SLC19A3: variants seen among roughly 807,000 people sequenced by gnomAD.
SLC19A3 encodes the protein solute carrier family 19 member 3.
In SLC19A3, 31 loss-of-function variants were observed where a neutral mutation model predicts 40.2. That is an observed-to-expected ratio of 0.77 (90% confidence interval 0.58 to 1.04). The LOEUF (loss-of-function observed/expected upper bound fraction) is 1.04, where lower values mean the gene tolerates loss of function less well. Ranked by LOEUF, SLC19A3 falls within the 50% of genes least tolerant of loss-of-function variation. SLC19A3 has a pLI of 0.00. For missense variants in SLC19A3, 592 were observed against 596.7 expected (o/e 0.99, Z 0.08); for synonymous variants, 212 against 227.5 (o/e 0.93, Z 0.61).
Position 227,717,947 on chromosome 2 carries a change from A to C in SLC19A3, c.-7T>G, listed in dbSNP as rs1696388483. On this transcript the variant is annotated 5_prime_UTR_variant, in exon 1 of 6. Transcript: ENST00000644224. ...CGCCCCCCGAGATATTCTTACCTAC[A>C]GAAGGGAGTGTCTGTTCACCAAATC... The C allele has an allele frequency of 1.0e-6, 1 of 985,226 alleles. No individual in the cohort carries two copies. Among genetic ancestry groups the C allele is most frequent in the African/African-American group, 1.7e-5 (1 of 57,204 alleles). 61.0% of individuals were successfully genotyped at this position (985,226 alleles called of 1,614,324 possible). A position where few individuals can be genotyped will look rare whatever the true frequency, so the allele number is the denominator to read the frequency against.
At chr2:227,708,628 G>A (rs964527336) in intron 1 of SLC19A3, among the ~76,000 whole-genome samples, 1 of 152,132 alleles carries the variant, frequency 6.6e-6, no homozygotes, top group Non-Finnish European at 1.5e-5. Flanking sequence ...CCAACTGGCT[G>A]CAGGCTAACC....
intron 4 of SLC19A3, among the ~76,000 whole-genome samples, chr2:227,695,029 C>T (rs1695372532): frequency 6.6e-6 from 1 of 152,020 alleles, no homozygotes; most frequent in South Asian, 2.1e-4. Flanking sequence ...CACTGCACTC[C>T]TGCCTGGGTG....
chr2:227,697,904 C>T (rs998709508), intron 3 of SLC19A3, among the ~76,000 whole-genome samples: 9 of 151,678 alleles, frequency 5.9e-5, no homozygotes, highest in African/African-American at 2.2e-4. Context: ...GGTGAAACCC[C>T]GTCTCTACTA....
chr2:227,709,294 C>A (rs928430597), intron 1 of SLC19A3, among the ~76,000 whole-genome samples: 4 of 152,028 alleles, frequency 2.6e-5, no homozygotes, highest in Non-Finnish European at 4.4e-5. Context: ...TCAGCCTGGC[C>A]AACATTGGTG....
intron 1 of SLC19A3, among the ~76,000 whole-genome samples, chr2:227,704,804 C>G (rs1574569904): frequency 6.6e-6 from 1 of 152,090 alleles, no homozygotes. Context: ...AAATAAAAAT[C>G]CAATTTCAGT....
chr2:227,687,441 G>A lies in SLC19A3; in HGVS notation c.1447C>T (p.His483Tyr). Residue 483 changes from histidine (H) to tyrosine (Y), a missense_variant, in exon 6 of 6, where the codon CAC becomes TAC. Coordinates refer to ENST00000644224, the MANE Select transcript of SLC19A3 (RefSeq NM_025243.4). The part of the protein sequence containing the change: ...PAPSENPDVS[H>Y]PEEESNIIMS... ...ATGATATTACTCTCTTCCTCTGGGT[G>A]AGACACATCTGGATTCTCACTTGGA... 1 of 1,614,030 alleles carries A rather than the reference G, an allele frequency of 6.2e-7. No homozygotes were observed. The highest frequency in any genetic ancestry group is 8.5e-7 in the Non-Finnish European group (1 of 1,179,912).
chr2:227,706,314 C>A, intron 1 of SLC19A3: 2 of 1,231,610 alleles, frequency 1.6e-6, no homozygotes, highest in Non-Finnish European at 2.0e-6. Flanking sequence ...TGAGTTCATA[C>A]CTGTGAAAGC....
intron 4 of SLC19A3, among the ~76,000 whole-genome samples, chr2:227,688,635 C>T (rs984193889): frequency 6.6e-6 from 1 of 152,110 alleles, no homozygotes; most frequent in African/African-American, 2.4e-5. Context: ...TTCTGAATAC[C>T]TGGAAAGCCT....
intron 4 of SLC19A3, among the ~76,000 whole-genome samples, chr2:227,689,521 C>T (rs1271740519): frequency 6.6e-6 from 1 of 152,044 alleles, no homozygotes; most frequent in Non-Finnish European, 1.5e-5. Flanking sequence ...AAATATCAAA[C>T]CCGAAGGAGA....
intron 1 of SLC19A3, among the ~76,000 whole-genome samples, chr2:227,708,629 C>G (rs917345800): frequency 1.3e-5 from 2 of 152,128 alleles, no homozygotes; most frequent in Admixed American, 1.3e-4. Context: ...CAACTGGCTG[C>G]AGGCTAACCT....
intron 2 of SLC19A3, chr2:227,701,218 C>T (rs550379475): frequency 3.4e-5 from 20 of 596,992 alleles, no homozygotes; most frequent in South Asian, 1.7e-4. Flanking sequence ...GCCTTGCAGG[C>T]GAAGCCACAC....
chr2:227,690,884 G>A (rs1695201854), intron 4 of SLC19A3, among the ~76,000 whole-genome samples: 1 of 151,848 alleles, frequency 6.6e-6, no homozygotes, highest in African/African-American at 2.4e-5. Flanking sequence ...AATCAATAAA[G>A]AAACATCAGA....
At chr2:227,715,595 G>A (rs1696307426) in intron 1 of SLC19A3, among the ~76,000 whole-genome samples, 1 of 151,998 alleles carries the variant, frequency 6.6e-6, no homozygotes, top group African/African-American at 2.4e-5. Context: ...ATTTGCATGA[G>A]GTGTTTGCTG....
At chr2:227,689,490 C>T (rs1047003476) in intron 4 of SLC19A3, among the ~76,000 whole-genome samples, 1 of 152,068 alleles carries the variant, frequency 6.6e-6, no homozygotes, top group East Asian at 1.9e-4. Context: ...AACTTTTACC[C>T]TAGAATAGTA....
In SLC19A3 at chr2:227,687,475, C is replaced by G; in HGVS notation, c.1413G>C (p.Gln471His). ...TYSTKSQKDV[Q>H]SPAPSENPDV... ...CTGGATTCTCACTTGGAGCAGGGCT[C>G]TGTACATCCTTCTGGGATTTGGTTG... Residue 471 changes from glutamine (Q) to histidine (H), a missense_variant, in exon 6 of 6, where the codon CAG becomes CAC. Transcript: ENST00000644224. The G allele has an allele frequency of 3.1e-6, 5 of 1,614,120 alleles. No individual in the cohort carries two copies. Among genetic ancestry groups the G allele is most frequent in the Middle Eastern group, 1.6e-4 (1 of 6,062 alleles).
At chr2:227,710,062 C>A (rs13392553) in intron 1 of SLC19A3, among the ~76,000 whole-genome samples, 1 of 152,102 alleles carries the variant, frequency 6.6e-6, no homozygotes, top group Non-Finnish European at 1.5e-5. Flanking sequence ...AGGATTTGCA[C>A]TTCCAGGAGA....
At chr2:227,699,637 A>C in intron 2 of SLC19A3, 73 bp from the exon 3 acceptor site, 1 of 1,262,966 alleles carries the variant, frequency 7.9e-7, no homozygotes, top group Admixed American at 1.7e-5. Flanking sequence ...TGTATCTCAA[A>C]TTCTGCCTCC....
At position 227,703,724 on chromosome 2, in the gene SLC19A3, T is replaced by C. The variant is rs1695805996; in HGVS notation, c.-2-1404A>G. 2.0e-5 allele frequency among the ~76,000 whole-genome samples: 3 copies of C among 152,174 alleles called. No homozygotes were observed. Among genetic ancestry groups the C allele is most frequent in the Non-Finnish European group, 4.4e-5 (3 of 68,040 alleles). On this transcript the variant is annotated intron_variant, in intron 1 of 5. Coordinates refer to ENST00000644224, the MANE Select transcript of SLC19A3 (RefSeq NM_025243.4). This position sits in a 1 kb window ranked among gnomAD's most constrained non-coding sequence, Gnocchi z 4.7. ...ATGGCTGTCCTGGACAGGTGATCACTGAGGCTTGGTCATCTTCTGAAGAGT... is the reference window on the plus strand; with the variant it reads ...ATGGCTGTCCTGGACAGGTGATCACCGAGGCTTGGTCATCTTCTGAAGAGT...
Position 227,687,490 on chromosome 2 carries a change from G to A in SLC19A3, c.1398C>T (p.Ser466=), listed in dbSNP as rs1695060351. Residue 466 remains serine (S), a synonymous_variant, in exon 6 of 6, where the codon TCC becomes TCT. Coordinates refer to ENST00000644224, the MANE Select transcript of SLC19A3 (RefSeq NM_025243.4). ...RSMYITYSTK[S]QKDVQSPAPS... ...GAGCAGGGCTCTGTACATCCTTCTG[G>A]GATTTGGTTGAGTAGGTAATATACA... 1.2e-6 allele frequency: 2 copies of A among 1,613,984 alleles called. No homozygotes were observed. Among genetic ancestry groups the A allele is most frequent in the East Asian group, 2.2e-5 (1 of 44,870 alleles).
Sources: gnomAD v4.1 joint callset for allele counts (sites outside exome capture counted in the v4.1 genomes callset) on GRCh38, gnomAD v4.1.1 for gene constraint, Gnocchi (gnomAD v3.1) non-coding constraint, MANE v1.5 for transcripts, NCBI Gene and HGNC (gene_info 2026-07-23, HGNC 2026-07-21) for gene names.